The following THADA variants were observed in gnomAD, a reference collection of about 807,000 sequenced individuals.
The protein encoded by THADA is tRNA (32-2'-O)-methyltransferase regulator THADA.
THADA carries 213 observed loss-of-function variants against 219.8 expected under a neutral mutation model. The observed-to-expected ratio is 0.97, with a 90% confidence interval of 0.87 to 1.09. The LOEUF is 1.09. Ranked by LOEUF, THADA falls within the 50% of genes least tolerant of loss-of-function variation. The pLI, the probability that THADA is intolerant of heterozygous loss-of-function variation, is 0.00. For synonymous variants in THADA, 1,018 were observed against 828.9 expected, an observed-to-expected ratio of 1.23 and a Z score of -3.92; for missense variants, 2,956 against 2,311.3, an observed-to-expected ratio of 1.28 and a Z score of -5.72.
At chr2:43,571,590 T>C (rs1699306618) in intron 13 of THADA, 117 bp downstream of exon 13, 1 of 936,094 alleles carries the variant, frequency 1.1e-6, no homozygotes. Context: ...CATGAACAGA[T>C]GTGGTAGCCC....
chr2:43,375,803 G>A (rs1671303293), intron 29 of THADA, among the ~76,000 whole-genome samples: 1 of 152,132 alleles, frequency 6.6e-6, no homozygotes, highest in African/African-American at 2.4e-5. Context: ...TCTTGTTACA[G>A]AACTGCTGAC....
chr2:43,585,595 T>C (rs1700943044), intron 7 of THADA, among the ~76,000 whole-genome samples: 1 of 151,792 alleles, frequency 6.6e-6, no homozygotes, highest in South Asian at 2.1e-4. Flanking sequence ...AATACATAAT[T>C]GCCCAGCCAA....
chr2:43,430,099 A>C, intron 27 of THADA, 114 bp downstream of exon 27: 1 of 543,416 alleles, frequency 1.8e-6, no homozygotes, highest in Non-Finnish European at 3.1e-6. Flanking sequence ...AAATTTAAAC[A>C]AATTTAAAAA....
chr2:43,348,578 T>C (rs1667903638), intron 29 of THADA, among the ~76,000 whole-genome samples: 1 of 152,070 alleles, frequency 6.6e-6, no homozygotes, highest in African/African-American at 2.4e-5. Flanking sequence ...CACCCCAATC[T>C]AAACTAAAAC....
intron 21 of THADA, among the ~76,000 whole-genome samples, chr2:43,531,972 G>C (rs1293451000): frequency 6.6e-6 from 1 of 151,208 alleles, no homozygotes; most frequent in Non-Finnish European, 1.5e-5. Context: ...AACAGTGTAG[G>C]GTTTTTTTTT....
chr2:43,419,270 G>A (rs975174010), intron 28 of THADA, among the ~76,000 whole-genome samples: 2 of 152,206 alleles, frequency 1.3e-5, no homozygotes, highest in Admixed American at 6.5e-5. Flanking sequence ...GTGAAGAAGA[G>A]AATGTCTATA....
chr2:43,417,037 C>CTTTTTTTTTTTT (rs67993873), intron 28 of THADA, among the ~76,000 whole-genome samples: 2 of 93,778 alleles, frequency 2.1e-5, no homozygotes, highest in African/African-American at 7.9e-5. Flanking sequence ...TGGCTGTTTT[C>CTTTTTTTTTTTT]TTTTTTTTTT....
chr2:43,402,270 G>A (rs913002503), intron 28 of THADA, among the ~76,000 whole-genome samples: 7 of 152,174 alleles, frequency 4.6e-5, no homozygotes, highest in Admixed American at 6.5e-5. Flanking sequence ...TCACAAATCG[G>A]TGGTACCCAT....
intron 29 of THADA, among the ~76,000 whole-genome samples, chr2:43,386,205 A>G (rs1022425539): frequency 1.3e-5 from 2 of 152,206 alleles, no homozygotes; most frequent in African/African-American, 4.8e-5. Context: ...AAAGGTGAAC[A>G]TTTGCAAGTA....
At chr2:43,547,600 CTTCATTTCA>C (rs1357342392) in intron 20 of THADA, among the ~76,000 whole-genome samples, 1 of 152,178 alleles carries the variant, frequency 6.6e-6, no homozygotes, top group Non-Finnish European at 1.5e-5. Flanking sequence ...TCCCTTCTCG[CTTCATTTCA>C]TTCATTTCAT....
chr2:43,545,874 T>C (rs955087056), intron 20 of THADA, among the ~76,000 whole-genome samples: 10 of 152,320 alleles, frequency 6.6e-5, no homozygotes, highest in African/African-American at 2.4e-4. Context: ...TGTATTTCCT[T>C]CAGTTCTGCT....
intron 28 of THADA, among the ~76,000 whole-genome samples, chr2:43,407,914 T>C (rs1377479507): frequency 1.3e-5 from 2 of 150,752 alleles, no homozygotes; most frequent in African/African-American, 4.9e-5. Context: ...AAATAAAATG[T>C]CCTGTGCCAA....
At position 43,431,228 on chromosome 2, in the gene THADA, T is replaced by C. The variant is rs1044853281; in HGVS notation, c.3837-926A>G. On this transcript the variant is annotated intron_variant, in intron 26 of 37. Coordinates refer to ENST00000405975, the MANE Select transcript of THADA (RefSeq NM_022065.5). Reference sequence around the variant, plus strand: ...CCAGAATATCACATTTTAAAAAAACTGAAACGTTTTTACACACAGCAAAAT... The same window carrying C: ...CCAGAATATCACATTTTAAAAAAACCGAAACGTTTTTACACACAGCAAAAT... 2.0e-5 allele frequency among the ~76,000 whole-genome samples: 3 copies of C among 152,158 alleles called. No individual in the cohort carries two copies. The South Asian group carries it at 6.2e-4, about 32-fold the overall frequency.
chr2:43,328,323 T>C (rs1195366069), intron 30 of THADA, among the ~76,000 whole-genome samples: 1 of 152,238 alleles, frequency 6.6e-6, no homozygotes, highest in Non-Finnish European at 1.5e-5. Flanking sequence ...CTACCAGGAC[T>C]GCTCGTTTAC....
At chr2:43,395,792 C>T (rs542392806) in intron 29 of THADA, among the ~76,000 whole-genome samples, 42 of 152,292 alleles carry the variant, frequency 2.8e-4, no homozygotes, top group African/African-American at 9.6e-4. Flanking sequence ...CACTCTGCTG[C>T]CCAGGCTGGA....
At chr2:43,232,634 C>T (rs942863774) in intron 37 of THADA, 79 bp downstream of exon 37, 7 of 1,474,178 alleles carry the variant, frequency 4.7e-6, no homozygotes, top group Admixed American at 1.9e-5. Flanking sequence ...AAAAGCCCAG[C>T]TGAGGCTGTA....
At chr2:43,326,591 T>G (rs1025399263) in intron 30 of THADA, among the ~76,000 whole-genome samples, 1 of 152,212 alleles carries the variant, frequency 6.6e-6, no homozygotes, top group Admixed American at 6.5e-5. Context: ...GTCTGGTCCA[T>G]GGACAGCTGT....
intron 28 of THADA, among the ~76,000 whole-genome samples, chr2:43,400,418 G>A (rs1674656687): frequency 7.0e-6 from 1 of 142,996 alleles, no homozygotes. Context: ...ATATTCTATC[G>A]CAAATTCTTT....
intron 35 of THADA, 51 bp from the exon 36 acceptor site, chr2:43,279,947 G>A (rs896069694): frequency 8.9e-5 from 130 of 1,458,634 alleles, no homozygotes; most frequent in Middle Eastern, 1.9e-4. Flanking sequence ...TTAACAGGCA[G>A]GTGCAAATAC....
Sources: gnomAD v4.1 joint callset for allele counts (sites outside exome capture counted in the v4.1 genomes callset) on GRCh38, gnomAD v4.1.1 for gene constraint, MANE v1.5 for transcripts, NCBI Gene and HGNC (gene_info 2026-07-23, HGNC 2026-07-21) for gene names.